CEP83: variants seen among roughly 807,000 people sequenced by gnomAD.
CEP83 encodes the protein centrosomal protein of 83 kDa.
A neutral mutation model predicts 101.9 loss-of-function variants in CEP83; 70 were observed. The observed-to-expected ratio is 0.69, with a 90% CI of 0.57 to 0.84. CEP83 has a LOEUF of 0.84. Among genes scored for constraint, CEP83 ranks in the 40% least tolerant of loss-of-function variants. The probability of loss-of-function intolerance (pLI) is 0.00; values close to 1 mark genes in which losing one functional copy is unlikely to be tolerated. For missense variants in CEP83, 715 were observed against 787.2 expected (o/e 0.91, Z 1.10); for synonymous variants, 264 against 267.9 (o/e 0.99, Z 0.14).
chr12:94,297,046 A>G, the CEP83 span: 1 of 728,940 alleles, frequency 1.4e-6, no homozygotes, highest in South Asian at 1.7e-5. Flanking sequence ...CAGGGGGAAA[A>G]ATGTAGCTAT....
downstream of CEP83, chr12:94,303,693 CTTTTTTTTTTTT>C: frequency 2.9e-6 from 2 of 699,132 alleles, no homozygotes; most frequent in African/African-American, 2.9e-5. Context: ...ATTCCTCCAT[CTTTTTTTTTTTT>C]TTTTTTTACT....
intron 1 of CEP83, among the ~76,000 whole-genome samples, chr12:94,451,973 A>G (rs1012518528): frequency 1.3e-5 from 2 of 152,234 alleles, no homozygotes; most frequent in African/African-American, 2.4e-5. Context: ...CACCAATACT[A>G]TTCAACTGGT....
intron 4 of CEP83, among the ~76,000 whole-genome samples, chr12:94,407,675 T>C (rs1198263933): frequency 6.6e-6 from 1 of 152,160 alleles, no homozygotes; most frequent in African/African-American, 2.4e-5. Flanking sequence ...TAATAAATTC[T>C]CTCTTCCTCT....
the CEP83 span, chr12:94,272,074 T>C: frequency 0.23 from 34,475 of 152,130 alleles, 4,039 homozygotes; most frequent in Admixed American, 0.28. Flanking sequence ...GGGCCAGGCC[T>C]TTCCAGCCTG....
chr12:94,294,447 A>G, the CEP83 span: 7 of 896,930 alleles, frequency 7.8e-6, no homozygotes, highest in Non-Finnish European at 1.3e-5. Flanking sequence ...AAATCCATTA[A>G]ATTTTGAACA....
chr12:94,458,055 G>A (rs140496489), intron 1 of CEP83, among the ~76,000 whole-genome samples: 6,991 of 151,912 alleles, frequency 0.046, 211 homozygotes, highest in Non-Finnish European at 0.071. Flanking sequence ...AAATTAGCAG[G>A]GCATGGTGGC....
the CEP83 span, among the ~76,000 whole-genome samples, chr12:94,275,915 AT>A: frequency 6.6e-6 from 1 of 151,622 alleles, no homozygotes; most frequent in Non-Finnish European, 1.5e-5. Context: ...TGTTAGCAGC[AT>A]GAAAAATGAA....
chr12:94,452,725 A>G (rs2067348766), intron 1 of CEP83, among the ~76,000 whole-genome samples: 1 of 152,188 alleles, frequency 6.6e-6, no homozygotes, highest in Non-Finnish European at 1.5e-5. Flanking sequence ...ATGAAAGAAT[A>G]TGACGGGGGA....
At chr12:94,274,528 A>G in the CEP83 span, among the ~76,000 whole-genome samples, 3 of 152,190 alleles carry the variant, frequency 2.0e-5, no homozygotes, top group African/African-American at 7.2e-5. Flanking sequence ...CAGATCTGCC[A>G]CCGCAGCTTA....
chr12:94,325,035 TG>T (rs1433063633), intron 14 of CEP83, among the ~76,000 whole-genome samples: 2 of 152,328 alleles, frequency 1.3e-5, no homozygotes, highest in Non-Finnish European at 2.9e-5. Flanking sequence ...CTATTCCCTC[TG>T]GAACACCCTT....
intron 8 of CEP83, among the ~76,000 whole-genome samples, chr12:94,371,868 C>T (rs2061325034): frequency 6.6e-6 from 1 of 152,146 alleles, no homozygotes; most frequent in South Asian, 2.1e-4. Context: ...GTGAGTACTG[C>T]CTTATGTACT....
chr12:94,424,339 G>A (rs796486855), intron 2 of CEP83: 112 of 1,614,058 alleles, frequency 6.9e-5, no homozygotes, highest in Admixed American at 4.7e-4. Flanking sequence ...GCAAGGGATC[G>A]GATGGGGCTG....
At chr12:94,276,399 G>T in the CEP83 span, among the ~76,000 whole-genome samples, 1 of 151,294 alleles carries the variant, frequency 6.6e-6, no homozygotes, top group Non-Finnish European at 1.5e-5. Context: ...ATTTAGCTTA[G>T]GACATTGCTT....
downstream of CEP83, chr12:94,304,031 A>G: frequency 2.6e-6 from 4 of 1,561,112 alleles, no homozygotes; most frequent in Non-Finnish European, 3.5e-6. Context: ...TTACAAATAC[A>G]TCGTAAAATA....
rs1231429769 is a variant in CEP83, at chr12:94,310,078, C to T, written c.1841G>A (p.Arg614Lys). The T allele has an allele frequency of 6.3e-7, 1 of 1,582,998 alleles. No individual in the cohort carries two copies. Among genetic ancestry groups the T allele is most frequent in the African/African-American group, 1.4e-5 (1 of 73,796 alleles). The change falls in exon 16 of 17, where the codon AGG (arginine) becomes AAG (lysine). Residue 614 changes from arginine (R) to lysine (K), a missense_variant. Transcript: ENST00000397809. Reference protein sequence around the residue: ...RQNVPFEDYTRLQKRLKDIQR... With the variant: ...RQNVPFEDYTKLQKRLKDIQR... Reference sequence around the variant, plus strand: ...TATATCTTTTAGTCTTTTTTGAAGCCTTGTATAGTCTTCAAAAGGAACATT... The same window carrying T: ...TATATCTTTTAGTCTTTTTTGAAGCTTTGTATAGTCTTCAAAAGGAACATT...
At chr12:94,422,103 C>T (rs1190073218) in intron 2 of CEP83, among the ~76,000 whole-genome samples, 2 of 152,210 alleles carry the variant, frequency 1.3e-5, no homozygotes, top group African/African-American at 4.8e-5. Context: ...TGGCCTTTCT[C>T]AGCATTCCAC....
intron 2 of CEP83, chr12:94,424,355 C>A: frequency 6.2e-7 from 1 of 1,613,974 alleles, no homozygotes; most frequent in Non-Finnish European, 8.5e-7. Context: ...GGCTGGTACT[C>A]CAGGGGGTGT....
At chr12:94,346,554 C>T (rs2059941682) in intron 11 of CEP83, among the ~76,000 whole-genome samples, 1 of 152,036 alleles carries the variant, frequency 6.6e-6, no homozygotes, top group Admixed American at 6.6e-5. Flanking sequence ...TTATGGAAAC[C>T]CCAACTTAAA....
intron 11 of CEP83, among the ~76,000 whole-genome samples, chr12:94,342,585 C>T (rs2059730673): frequency 6.6e-6 from 1 of 152,202 alleles, no homozygotes; most frequent in Non-Finnish European, 1.5e-5. Flanking sequence ...TGTGAATGTA[C>T]TTAATTCGCC....
Sources: allele counts gnomAD v4.1 joint callset (sites outside exome capture counted in the v4.1 genomes callset), GRCh38; gene constraint gnomAD v4.1.1; transcripts MANE v1.5; gene names NCBI Gene and HGNC (gene_info 2026-07-23, HGNC 2026-07-21).